LDLRAP1: variants seen among roughly 807,000 people sequenced by gnomAD.
The protein encoded by LDLRAP1 is low density lipoprotein receptor adapter protein 1.
LDLRAP1 carries 30 observed loss-of-function variants against 37.8 expected under a neutral mutation model. The ratio of observed to expected loss-of-function variants is 0.79; its 90% CI spans 0.59 to 1.08. The LOEUF (loss-of-function observed/expected upper bound fraction) is 1.08. LDLRAP1 is among the 50% of genes least tolerant of loss of function. The pLI is 0.00. For synonymous variants in LDLRAP1, 156 were observed against 169.8 expected (o/e 0.92, Z 0.63); for missense variants, 375 against 401.6 (o/e 0.93, Z 0.57).
intron 4 of LDLRAP1, among the ~76,000 whole-genome samples, chr1:25,559,922 T>C (rs999852904): frequency 1.3e-5 from 2 of 152,216 alleles, no homozygotes; most frequent in Non-Finnish European, 2.9e-5. Context: ...CATCAGTACC[T>C]GGAACCCAGG....
chr1:25,571,058 C>G (rs1301083205), downstream of LDLRAP1, among the ~76,000 whole-genome samples: 1 of 152,180 alleles, frequency 6.6e-6, no homozygotes, highest in Non-Finnish European at 1.5e-5. Flanking sequence ...GGATTTGAAC[C>G]CTGCTCTCTG....
At chr1:25,582,675 T>C in the LDLRAP1 span, among the ~76,000 whole-genome samples, 7 of 152,126 alleles carry the variant, frequency 4.6e-5, no homozygotes, top group African/African-American at 1.7e-4. Flanking sequence ...CCTTCCCCAC[T>C]GTCTATCTCC....
the LDLRAP1 span, among the ~76,000 whole-genome samples, chr1:25,587,830 T>C: frequency 4.6e-5 from 7 of 152,236 alleles, no homozygotes; most frequent in East Asian, 1.4e-3. Flanking sequence ...AGTAACCTTA[T>C]TTTGGATGGG....
rs1390251864 is a variant in LDLRAP1, at chr1:25,554,157, G to C, written c.231+93G>C. On this transcript the variant is annotated intron_variant, in intron 2 of 8. Coordinates refer to ENST00000374338, the MANE Select transcript of LDLRAP1 (RefSeq NM_015627.3). This position sits in a 1 kb window ranked among gnomAD's most constrained non-coding sequence, Gnocchi z 5.4. ...TCGTCCCAGCTTGTTACTCCAGTTG[G>C]GTGTGTCTGAGCCTGGCCCTGCCCT... The C allele has an allele frequency of 2.2e-5, 33 of 1,507,406 alleles. No individual in the cohort carries two copies. Among genetic ancestry groups the C allele is most frequent in the Non-Finnish European group, 2.9e-5 (32 of 1,101,018 alleles). 93.4% of individuals were successfully genotyped at this position (1,507,406 alleles called of 1,614,324 possible).
the LDLRAP1 span, among the ~76,000 whole-genome samples, chr1:25,585,672 C>A: frequency 6.6e-6 from 1 of 152,174 alleles, no homozygotes; most frequent in African/African-American, 2.4e-5. Context: ...GGCCTCTGGG[C>A]CTATTTGACT....
chr1:25,567,947 T>A lies in LDLRAP1; in HGVS notation c.*955T>A, dbSNP rs1280077921. 1 of 142,018 alleles carries A rather than the reference T, an allele frequency of 7.0e-6. No individual in the cohort carries two copies. Among genetic ancestry groups the A allele is most frequent in the Non-Finnish European group, 1.5e-5 (1 of 65,780 alleles). 8.8% of individuals were successfully genotyped at this position (142,018 alleles called of 1,614,324 possible). On this transcript the variant is annotated 3_prime_UTR_variant, in exon 9 of 9. Coordinates refer to ENST00000374338, the MANE Select transcript of LDLRAP1 (RefSeq NM_015627.3). ...CCTGACACCTAGATTTATTTGGAAATATTCTATGACCACTTTACAGATGAG... is the reference window on the plus strand; with the variant it reads ...CCTGACACCTAGATTTATTTGGAAAAATTCTATGACCACTTTACAGATGAG...
At chr1:25,548,179 T>C (rs1281514552) in intron 1 of LDLRAP1, among the ~76,000 whole-genome samples, 1 of 152,178 alleles carries the variant, frequency 6.6e-6, no homozygotes, top group African/African-American at 2.4e-5. Flanking sequence ...TCTCTCAATA[T>C]GAGAATGGTC....
intron 1 of LDLRAP1, among the ~76,000 whole-genome samples, chr1:25,547,678 C>T (rs2043970629): frequency 6.6e-6 from 1 of 152,076 alleles, no homozygotes; most frequent in Non-Finnish European, 1.5e-5. Flanking sequence ...GATCTTCATT[C>T]CCCAGTCTGC....
At chr1:25,547,051 G>T (rs2043952543) in intron 1 of LDLRAP1, among the ~76,000 whole-genome samples, 1 of 152,108 alleles carries the variant, frequency 6.6e-6, no homozygotes, top group Non-Finnish European at 1.5e-5. Context: ...GGACAGCTTT[G>T]TAAGATAGGA....
Position 25,567,244 on chromosome 1 carries a change from C to T in LDLRAP1, c.*252C>T, listed in dbSNP as rs1251228407. 8 of 550,246 alleles carry T rather than the reference C, an allele frequency of 1.5e-5. No homozygotes were observed. Among genetic ancestry groups the T allele is most frequent in the African/African-American group, 3.8e-5 (2 of 52,942 alleles). 34.1% of individuals were successfully genotyped at this position (550,246 alleles called of 1,614,324 possible). A position where few individuals can be genotyped will look rare whatever the true frequency, so the allele number is the denominator to read the frequency against. ...TGGCTTATGCTCAGAAGCCAGTCTGCGTCAGGCACGTCTCCTGCTGCGTGA... is the reference window on the plus strand; with the variant it reads ...TGGCTTATGCTCAGAAGCCAGTCTGTGTCAGGCACGTCTCCTGCTGCGTGA... On this transcript the variant is annotated 3_prime_UTR_variant, in exon 9 of 9. Transcript: ENST00000374338.
At chr1:25,558,912 T>G (rs1215198575) in intron 4 of LDLRAP1, among the ~76,000 whole-genome samples, 1 of 152,196 alleles carries the variant, frequency 6.6e-6, no homozygotes, top group Non-Finnish European at 1.5e-5. Context: ...GGAGACAGTC[T>G]AGCGGTCTCC....
chr1:25,543,784 G>T lies in LDLRAP1; in HGVS notation c.86G>T (p.Arg29Leu), dbSNP rs1244980210. The T allele has an allele frequency of 3.3e-6, 4 of 1,206,328 alleles. No individual in the cohort carries two copies. Among genetic ancestry groups the T allele is most frequent in the South Asian group, 4.1e-5 (1 of 24,128 alleles). 74.7% of individuals were successfully genotyped at this position (1,206,328 alleles called of 1,614,324 possible). ...AGCTGGGGGGGCGGTGGCCGGCACC[G>T]CAGTGAGTGTGCGCGCGTCAGCCGG... ...KQSWGGGGRH[R>L]KLPENWTDTR... The change falls in exon 1 of 9, where the codon CGC (arginine) becomes CTC (leucine). Residue 29 changes from arginine (R) to leucine (L), a missense_variant and splice_region_variant. Transcript: ENST00000374338.
At chr1:25,575,720 G>T in the LDLRAP1 span, among the ~76,000 whole-genome samples, 2 of 152,298 alleles carry the variant, frequency 1.3e-5, no homozygotes, top group Admixed American at 1.3e-4. Context: ...GCCTACTGTG[G>T]AGATTAAATG....
In LDLRAP1 at chr1:25,560,582, C is replaced by T. The variant is rs528171319; in HGVS notation, c.460-2062C>T. Among the ~76,000 whole-genome samples the T allele has an allele frequency of 7.9e-5, 12 of 152,310 alleles. No individual in the cohort carries two copies. In the East Asian group the frequency reaches 9.6e-4, roughly 12 times the overall value. On this transcript the variant is annotated intron_variant, in intron 4 of 8. Transcript: ENST00000374338. ...TACCCCCATTTCCACCCAGGCAGCA[C>T]GGGGCCAGGCTGCTCCCTCCCCCAT...
At chr1:25,579,590 A>G in the LDLRAP1 span, among the ~76,000 whole-genome samples, 4 of 152,344 alleles carry the variant, frequency 2.6e-5, no homozygotes, top group South Asian at 8.3e-4. Context: ...CCATGCCTTG[A>G]GCCAAGAATG....
intron 1 of LDLRAP1, among the ~76,000 whole-genome samples, chr1:25,552,647 A>C (rs1415425494): frequency 1.3e-5 from 2 of 152,204 alleles, no homozygotes; most frequent in Middle Eastern, 3.2e-3. Flanking sequence ...GGCAGGTGGA[A>C]GTGTGAGGTG....
At chr1:25,560,118 C>T (rs1486297561) in intron 4 of LDLRAP1, among the ~76,000 whole-genome samples, 1 of 152,222 alleles carries the variant, frequency 6.6e-6, no homozygotes, top group Non-Finnish European at 1.5e-5. Context: ...GATTAACACA[C>T]GTGCAAACGC....
chr1:25,580,582 A>G, the LDLRAP1 span, among the ~76,000 whole-genome samples: 2 of 152,136 alleles, frequency 1.3e-5, no homozygotes, highest in African/African-American at 4.8e-5. Flanking sequence ...ATCACAGCTC[A>G]TTGCAGCCTT....
At chr1:25,546,431 T>A (rs2043935319) in intron 1 of LDLRAP1, among the ~76,000 whole-genome samples, 1 of 152,188 alleles carries the variant, frequency 6.6e-6, no homozygotes, top group African/African-American at 2.4e-5. Context: ...CCACCCAGCT[T>A]CATGCCTGCA....
Sources: gnomAD v4.1 joint callset for allele counts (sites outside exome capture counted in the v4.1 genomes callset) on GRCh38, gnomAD v4.1.1 for gene constraint, Gnocchi (gnomAD v3.1) non-coding constraint, MANE v1.5 for transcripts, NCBI Gene and HGNC (gene_info 2026-07-23, HGNC 2026-07-21) for gene names.